GPD2: variants seen among roughly 807,000 people sequenced by gnomAD.
GPD2 encodes glycerol-3-phosphate dehydrogenase, mitochondrial.
In GPD2, 54 loss-of-function variants were observed where a neutral mutation model predicts 82.4. The observed-to-expected ratio is 0.66, with a 90% CI of 0.53 to 0.82. The LOEUF is 0.82. GPD2 is among the 40% of genes least tolerant of loss of function. The pLI, the probability that GPD2 is intolerant of heterozygous loss-of-function variation, is 0.00. For synonymous variants in GPD2, 288 were observed against 306.1 expected (o/e 0.94, Z 0.62); for missense variants, 748 against 896.2 (o/e 0.83, Z 2.11).
chr2:156,480,747 A>G (rs1460965513), intron 2 of GPD2, among the ~76,000 whole-genome samples: 1 of 151,026 alleles, frequency 6.6e-6, no homozygotes, highest in Non-Finnish European at 1.5e-5. Flanking sequence ...AGTGAGCTTC[A>G]GAATATGAAA....
At position 156,569,474 on chromosome 2, in the gene GPD2, G is replaced by C. The variant is rs745771373; in HGVS notation, c.1412G>C (p.Gly471Ala). 5 of 1,612,656 alleles carry C rather than the reference G, an allele frequency of 3.1e-6. No homozygotes were observed. In the Admixed American group the frequency reaches 8.3e-5, roughly 27 times the overall value. The change falls in exon 11 of 17, where the codon GGG becomes GCG. Residue 471 changes from glycine to alanine, a missense_variant. By Grantham distance (60) the Gly-to-Ala change is moderately conservative. Transcript: ENST00000438166. ...AGAACAGTTGGGCTTTTCCTTCAAG[G>C]GGGTAAAGATTGGAGCCCCACACTC... ...PSRTVGLFLQ[G>A]GKDWSPTLYI...
intron 6 of GPD2, among the ~76,000 whole-genome samples, chr2:156,528,334 T>A (rs1416594886): frequency 6.6e-6 from 1 of 151,976 alleles, no homozygotes; most frequent in African/African-American, 2.4e-5. Context: ...TTTGGTAAAA[T>A]TGGTATTTTC....
the GPD2 span, among the ~76,000 whole-genome samples, chr2:156,429,954 T>G: frequency 6.6e-6 from 1 of 152,244 alleles, no homozygotes; most frequent in Non-Finnish European, 1.5e-5. Context: ...TGTTTATTGG[T>G]AAGTAGTAAA....
At chr2:156,520,240 C>T (rs1325314700) in intron 6 of GPD2, among the ~76,000 whole-genome samples, 7 of 152,062 alleles carry the variant, frequency 4.6e-5, no homozygotes, top group East Asian at 1.9e-4. Context: ...AAACAACATT[C>T]GGGTGGGAAA....
At chr2:156,541,133 T>C (rs1320621461) in intron 6 of GPD2, among the ~76,000 whole-genome samples, 1 of 152,226 alleles carries the variant, frequency 6.6e-6, no homozygotes, top group Non-Finnish European at 1.5e-5. Context: ...ATTACTATTC[T>C]CCTTCCACAG....
At chr2:156,504,719 T>C (rs1397339965) in intron 3 of GPD2, among the ~76,000 whole-genome samples, 4 of 152,060 alleles carry the variant, frequency 2.6e-5, no homozygotes, top group Non-Finnish European at 5.9e-5. Flanking sequence ...TTATTAAAAT[T>C]AATAGAATAT....
intron 9 of GPD2, among the ~76,000 whole-genome samples, chr2:156,559,659 A>G (rs191981837): frequency 7.7e-4 from 117 of 152,340 alleles, no homozygotes; most frequent in African/African-American, 2.7e-3. Flanking sequence ...AATCTAAAGT[A>G]ATGGATGTAA....
chr2:156,476,014 A>G lies in GPD2; in HGVS notation c.-8-84A>G, dbSNP rs1460060954. ...CTTTTCTAGTTTAACATGGTTTCAT[A>G]ATCTACACAGTGTCTTATTATTGGG... On this transcript the variant is annotated intron_variant, in intron 1 of 16. Transcript: ENST00000438166. 5.1e-6 allele frequency: 4 copies of G among 784,530 alleles called. No individual in the cohort carries two copies. In the African/African-American group the frequency reaches 6.9e-5, roughly 13 times the overall value. 48.6% of individuals were successfully genotyped at this position (784,530 alleles called of 1,614,324 possible).
intron 8 of GPD2, 60 bp downstream of exon 8, chr2:156,550,806 G>A: frequency 1.4e-6 from 2 of 1,395,902 alleles, no homozygotes; most frequent in Non-Finnish European, 2.0e-6. Context: ...GAGATTGTCT[G>A]GTTTATTTCT....
chr2:156,458,110 C>T (rs1232344933), intron 1 of GPD2, among the ~76,000 whole-genome samples: 2 of 152,154 alleles, frequency 1.3e-5, no homozygotes, highest in African/African-American at 4.8e-5. Flanking sequence ...TAGCAGGTCC[C>T]TGGCTGTGCC....
At chr2:156,436,857 G>C (rs1056098796) in intron 1 of GPD2, among the ~76,000 whole-genome samples, 14 of 152,222 alleles carry the variant, frequency 9.2e-5, no homozygotes, top group Non-Finnish European at 2.1e-4. Flanking sequence ...GTGAGAACGA[G>C]TCTGGAGGAG....
intron 6 of GPD2, among the ~76,000 whole-genome samples, chr2:156,520,817 C>G (rs1237759948): frequency 6.6e-6 from 1 of 152,074 alleles, no homozygotes. Context: ...AACACCTGAG[C>G]TCTGGCAGTC....
At chr2:156,495,900 G>A in intron 2 of GPD2, 144 bp from the exon 3 acceptor site, 1 of 638,522 alleles carries the variant, frequency 1.6e-6, no homozygotes, top group Admixed American at 2.7e-5. Flanking sequence ...CAAGGCAGTT[G>A]GTCCTATAAC....
the GPD2 span, among the ~76,000 whole-genome samples, chr2:156,406,768 C>T: frequency 1.3e-5 from 2 of 152,192 alleles, no homozygotes; most frequent in Non-Finnish European, 1.5e-5. Flanking sequence ...AGAGCTGTGC[C>T]GCTTGGCAGA....
rs150862144 is a variant in GPD2, at chr2:156,576,451, C to T, written c.1768-2438C>T. Among the ~76,000 whole-genome samples the T allele has an allele frequency of 4.2e-4, 48 of 114,780 alleles. 1 individual carries two copies. The highest frequency in any genetic ancestry group is 2.0e-3 in the East Asian group (8 of 4,052). 75.3% of individuals were successfully genotyped at this position (114,780 alleles called of 152,430 possible). On this transcript the variant is annotated intron_variant, in intron 13 of 16. Transcript: ENST00000438166. Reference sequence around the variant, plus strand: ...AAGCACATGATACTATCTTTAAATACTTATTAAGCTGTGATAAAAAAAAAA... The same window carrying T: ...AAGCACATGATACTATCTTTAAATATTTATTAAGCTGTGATAAAAAAAAAA...
At chr2:156,561,905 G>A (rs192013936) in intron 9 of GPD2, among the ~76,000 whole-genome samples, 244 of 152,276 alleles carry the variant, frequency 1.6e-3, no homozygotes, top group Admixed American at 2.8e-3. Context: ...TGCCTGTTGG[G>A]AATAAGACCA....
At chr2:156,439,243 A>T (rs1313493406) in intron 1 of GPD2, among the ~76,000 whole-genome samples, 1 of 152,104 alleles carries the variant, frequency 6.6e-6, no homozygotes, top group Non-Finnish European at 1.5e-5. Flanking sequence ...TGAAAATGGT[A>T]ACTCTTCATT....
At chr2:156,501,106 G>T (rs1684571908) in intron 3 of GPD2, among the ~76,000 whole-genome samples, 1 of 151,238 alleles carries the variant, frequency 6.6e-6, no homozygotes, top group Admixed American at 6.6e-5. Context: ...ATGTATCTGG[G>T]ATTATCTAGT....
intron 2 of GPD2, among the ~76,000 whole-genome samples, chr2:156,479,823 T>C (rs923988824): frequency 1.3e-5 from 2 of 152,138 alleles, no homozygotes; most frequent in Non-Finnish European, 2.9e-5. Context: ...TGTCCCCTTT[T>C]CTTTATTTTC....
Sources: gnomAD v4.1 joint callset for allele counts (sites outside exome capture counted in the v4.1 genomes callset) on GRCh38, gnomAD v4.1.1 for gene constraint, MANE v1.5 for transcripts, NCBI Gene and HGNC (gene_info 2026-07-23, HGNC 2026-07-21) for gene names.